Variants in TMPRSS6 observed in about 807,000 individuals in gnomAD.
TMPRSS6 encodes transmembrane serine protease 6, also known as transmembrane protease serine 6.
TMPRSS6 carries 67 observed loss-of-function variants against 101.5 expected under a neutral mutation model. The observed-to-expected ratio is 0.66, with a 90% CI of 0.54 to 0.81. TMPRSS6 has a LOEUF of 0.81. Among genes scored for constraint, TMPRSS6 ranks in the 30% least tolerant of loss-of-function variants. TMPRSS6 has a pLI of 0.00. For synonymous variants in TMPRSS6, 453 were observed against 464.9 expected (o/e 0.97, Z 0.33); for missense variants, 1,034 against 1,088.7 (o/e 0.95, Z 0.71).
At position 37,103,913 on chromosome 22, in the gene TMPRSS6, C is replaced by G. The variant is rs1181144095; in HGVS notation, c.-1-495G>C. Among the ~76,000 whole-genome samples, 1 of 152,190 alleles carries G rather than the reference C, an allele frequency of 6.6e-6. No individual in the cohort carries two copies. Among genetic ancestry groups the G allele is most frequent in the Non-Finnish European group, 1.5e-5 (1 of 68,030 alleles). ...GCACTTAGCCCCCGCCCCAGAATCC[C>G]CTGAGCTGGCACTGCGCTGGGCCGG... On this transcript the variant is annotated intron_variant, in intron 1 of 17. Transcript: ENST00000676104. This position sits in a 1 kb window ranked among gnomAD's most constrained non-coding sequence, Gnocchi z 4.4.
At chr22:37,084,539 G>A in intron 9 of TMPRSS6, 135 bp from the exon 10 acceptor site, 3 of 817,586 alleles carry the variant, frequency 3.7e-6, no homozygotes, top group Non-Finnish European at 6.2e-6. Flanking sequence ...CAACAAACAG[G>A]CATTGCTGTG....
At chr22:37,066,303 C>A in intron 17 of TMPRSS6, 65 bp from the exon 18 acceptor site, 1 of 1,467,110 alleles carries the variant, frequency 6.8e-7, no homozygotes, top group Non-Finnish European at 9.2e-7. Flanking sequence ...AGGTGAAGAG[C>A]CATAGGGATT....
Position 37,066,305 on chromosome 22 carries a change from A to G in TMPRSS6, c.2251-67T>C, listed in dbSNP as rs1037300825. ...CACCCCCTTTTCCAGGTGAAGAGCC[A>G]TAGGGATTAAGTCCTGACTGTTGGG... On this transcript the variant is annotated intron_variant, in intron 17 of 17. Transcript: ENST00000676104. 1.5e-5 allele frequency: 22 copies of G among 1,461,116 alleles called. No individual in the cohort carries two copies. In the East Asian group the frequency reaches 5.2e-4, roughly 34 times the overall value. The allele number at this position is 1,461,116 out of a possible 1,614,324, so 90.5% of individuals were successfully genotyped here.
At chr22:37,106,619 C>T (rs1930729049) in intron 1 of TMPRSS6, among the ~76,000 whole-genome samples, 1 of 152,154 alleles carries the variant, frequency 6.6e-6, no homozygotes, top group African/African-American at 2.4e-5. Flanking sequence ...CACTAGGTCC[C>T]CTGCCTCCAT....
chr22:37,086,327 T>A lies in TMPRSS6; in HGVS notation c.929A>T (p.Tyr310Phe). Residue 310 changes from tyrosine to phenylalanine, a missense_variant, in exon 8 of 18, where the codon TAC (tyrosine) becomes TTC (phenylalanine). Physicochemically the swap from Tyr to Phe is conservative, Grantham distance 22. Transcript: ENST00000676104. ...CACGGAGAGCACGAAGGGGTCGTAG[T>A]AGCTGTGCAGGCCCTTCTTCCAGAC... The part of the protein sequence containing the change: ...AVVWKKGLHS[Y>F]YDPFVLSVQP... The A allele has an allele frequency of 1.2e-6, 2 of 1,614,092 alleles. No individual in the cohort carries two copies. The highest frequency in any genetic ancestry group is 2.7e-5 in the African/African-American group (2 of 75,008).
At chr22:37,079,007 A>AAG (rs1445184994) in intron 10 of TMPRSS6, among the ~76,000 whole-genome samples, 3 of 151,458 alleles carry the variant, frequency 2.0e-5, no homozygotes, top group East Asian at 3.9e-4. Context: ...GAAAGAAAGA[A>AAG]AGAAAGAAAG....
chr22:37,067,477 AAAAAAAG>A (rs570299444), intron 16 of TMPRSS6, among the ~76,000 whole-genome samples: 86 of 149,506 alleles, frequency 5.8e-4, no homozygotes, highest in African/African-American at 1.6e-3. Context: ...CAAAAAAACA[AAAAAAAG>A]AAAAAAGAAA....
intron 8 of TMPRSS6, among the ~76,000 whole-genome samples, chr22:37,085,475 G>A (rs1281631369): frequency 6.6e-6 from 1 of 152,230 alleles, no homozygotes; most frequent in East Asian, 1.9e-4. Context: ...AGAGGGCTGG[G>A]ACCCTGAGTG....
Position 37,070,619 on chromosome 22 carries a change from A to T in TMPRSS6, c.1706T>A (p.Val569Asp). The change falls in exon 15 of 18, where the codon GTT becomes GAT. Residue 569 changes from valine (V) to aspartate (D), a missense_variant. Coordinates refer to ENST00000676104, the MANE Select transcript of TMPRSS6 (RefSeq NM_001374504.1). Reference protein sequence around the residue: ...CGLQGPSSRIVGGAVSSEGEW... With the variant: ...CGLQGPSSRIDGGAVSSEGEW... ...ACCCTCGGAGGACACAGCTCCACCA[A>T]CAATGCGGCTGGAGGGGCCCTGGAG... is the stretch of plus-strand genomic sequence containing the variant. 1 of 1,612,858 alleles carries T rather than the reference A, an allele frequency of 6.2e-7. No homozygotes were observed. The highest frequency in any genetic ancestry group is 1.1e-5 in the South Asian group (1 of 91,068).
intron 1 of TMPRSS6, among the ~76,000 whole-genome samples, chr22:37,107,108 GC>G (rs1930763161): frequency 2.0e-5 from 3 of 152,206 alleles, no homozygotes; most frequent in African/African-American, 7.2e-5. Context: ...AAGTCTCTAG[GC>G]CCCTGGTACA....
chr22:37,110,225 C>T (rs1245075371), upstream of TMPRSS6, among the ~76,000 whole-genome samples: 1 of 150,636 alleles, frequency 6.6e-6, no homozygotes, highest in Non-Finnish European at 1.5e-5. Flanking sequence ...CTCACTGCAA[C>T]CTCCGCCTCC....
At chr22:37,091,292 T>C (rs916420951) in intron 6 of TMPRSS6, among the ~76,000 whole-genome samples, 4 of 152,146 alleles carry the variant, frequency 2.6e-5, no homozygotes, top group Admixed American at 2.6e-4. Flanking sequence ...CCTGGTGACA[T>C]GAAATTATAA....
In TMPRSS6 at chr22:37,103,482, A is replaced by G; in HGVS notation, c.-1-64T>C. 6.2e-7 allele frequency: 1 copy of G among 1,614,210 alleles called. No individual in the cohort carries two copies. The highest frequency in any genetic ancestry group is 8.5e-7 in the Non-Finnish European group (1 of 1,180,040). On this transcript the variant is annotated intron_variant, in intron 1 of 17. Transcript: ENST00000676104. The surrounding 1 kb of genome is among the most constrained non-coding windows in gnomAD (Gnocchi z 4.4). ...ATTTGCAAGGGAGCCTCTGCTGAGC[A>G]CCGGTGGGGCACGGAAGCAGGACTT...
Position 37,086,374 on chromosome 22 carries a change from C to T in TMPRSS6, c.882G>A (p.Ala294=), listed in dbSNP as rs370192027. 1.2e-4 allele frequency: 200 copies of T among 1,610,428 alleles called. No homozygotes were observed. The highest frequency in any genetic ancestry group is 4.9e-4 in the Middle Eastern group (3 of 6,080). The part of the protein sequence containing the change: ...SRQEPVVEVL[A]SGAIMAVVWK... ...AGACGACCGCCATGATGGCCCCCGA[C>T]GCCAGAACCTCCACCACGGGCTCCT... Residue 294 remains alanine (A), a synonymous_variant, in exon 8 of 18, where the codon GCG becomes GCA. Coordinates refer to ENST00000676104, the MANE Select transcript of TMPRSS6 (RefSeq NM_001374504.1).
intron 16 of TMPRSS6, chr22:37,068,719 A>C: frequency 1.3e-6 from 1 of 779,552 alleles, no homozygotes; most frequent in South Asian, 1.3e-5. Flanking sequence ...TTCCCCTAAA[A>C]TCCAGCCTGG....
intron 13 of TMPRSS6, among the ~76,000 whole-genome samples, chr22:37,073,205 T>C (rs1927304067): frequency 6.6e-6 from 1 of 150,996 alleles, no homozygotes; most frequent in African/African-American, 2.5e-5. Flanking sequence ...AGTGGCCATA[T>C]AGACCAGTAG....
intron 6 of TMPRSS6, 114 bp from the exon 7 acceptor site, chr22:37,089,896 C>A: frequency 9.8e-7 from 1 of 1,022,784 alleles, no homozygotes; most frequent in South Asian, 1.6e-5. Flanking sequence ...GGCAGGGGAG[C>A]CGGGTGGGGA....
chr22:37,102,342 C>A (rs1198848615), intron 2 of TMPRSS6, among the ~76,000 whole-genome samples: 5 of 152,330 alleles, frequency 3.3e-5, no homozygotes, highest in Non-Finnish European at 7.3e-5. Context: ...TCCCCAGAAC[C>A]TGGCACACAG....
chr22:37,077,963 C>A (rs374485357), intron 10 of TMPRSS6, among the ~76,000 whole-genome samples: 1 of 152,202 alleles, frequency 6.6e-6, no homozygotes, highest in Non-Finnish European at 1.5e-5. Context: ...CGGTGGGGGA[C>A]GAGGCACCGC....
Sources: allele counts gnomAD v4.1 joint callset (sites outside exome capture counted in the v4.1 genomes callset), GRCh38; gene constraint gnomAD v4.1.1; non-coding constraint Gnocchi (gnomAD v3.1); transcripts MANE v1.5; gene names NCBI Gene and HGNC (gene_info 2026-07-23, HGNC 2026-07-21).